The following COX16 variants were observed in gnomAD, a reference collection of about 807,000 sequenced individuals.
COX16 encodes the protein cytochrome c oxidase assembly factor COX16.
A neutral mutation model predicts 15.4 loss-of-function variants in COX16; 12 were observed. The observed-to-expected ratio is 0.78, with a 90% confidence interval of 0.50 to 1.26. The LOEUF is 1.26. COX16 is among the 50% of genes most tolerant of loss of function. COX16 has a pLI of 0.00. For missense variants in COX16, 124 were observed against 127.6 expected (o/e 0.97, Z 0.14); for synonymous variants, 46 against 41.1 (o/e 1.12, Z -0.46).
intron 2 of COX16, among the ~76,000 whole-genome samples, chr14:70,330,178 TAA>T (rs1463782678): frequency 2.0e-5 from 3 of 151,968 alleles, no homozygotes; most frequent in Non-Finnish European, 2.9e-5. Context: ...AAGTCACAAA[TAA>T]AGAGTATTTA....
intron 1 of COX16, among the ~76,000 whole-genome samples, chr14:70,348,866 C>T (rs1410667608): frequency 7.9e-5 from 12 of 152,152 alleles, no homozygotes; most frequent in Admixed American, 7.2e-4. Context: ...CCACCAAACC[C>T]GGGACAATCC....
intron 3 of COX16, chr14:70,328,071 G>GTTTTTTTTTTT (rs1594905215): frequency 1.2e-4 from 7 of 59,062 alleles, no homozygotes; most frequent in African/African-American, 2.1e-4. Flanking sequence ...CTGAGAATAA[G>GTTTTTTTTTTT]ATTTTTTTTT....
At chr14:70,357,516 T>G (rs1887167415) in intron 1 of COX16, among the ~76,000 whole-genome samples, 1 of 152,202 alleles carries the variant, frequency 6.6e-6, no homozygotes, top group African/African-American at 2.4e-5. Flanking sequence ...GGCAGATTTG[T>G]TGGTTTTGGG....
chr14:70,331,541 C>T (rs372618321), intron 2 of COX16, among the ~76,000 whole-genome samples: 1 of 152,248 alleles, frequency 6.6e-6, no homozygotes, highest in African/African-American at 2.4e-5. Context: ...TTAACTTCAT[C>T]GGTCACCATG....
chr14:70,348,097 C>A (rs1169643629), intron 1 of COX16, among the ~76,000 whole-genome samples: 2 of 152,120 alleles, frequency 1.3e-5, no homozygotes, highest in Non-Finnish European at 2.9e-5. Flanking sequence ...AGAGACCCAC[C>A]CTCCAGGTTA....
At chr14:70,356,928 C>T (rs1276646886) in intron 1 of COX16, among the ~76,000 whole-genome samples, 1 of 151,940 alleles carries the variant, frequency 6.6e-6, no homozygotes, top group Non-Finnish European at 1.5e-5. Context: ...ACCCCTCCAC[C>T]CAAGCTCCGT....
intron 2 of COX16, among the ~76,000 whole-genome samples, chr14:70,340,936 A>G (rs187887866): frequency 1.6e-3 from 248 of 152,300 alleles, no homozygotes; most frequent in African/African-American, 5.4e-3. Context: ...TGGCATTGCT[A>G]TATTATATGT....
At chr14:70,353,103 A>C (rs1439956016) in intron 1 of COX16, among the ~76,000 whole-genome samples, 1 of 151,862 alleles carries the variant, frequency 6.6e-6, no homozygotes, top group Non-Finnish European at 1.5e-5. Context: ...TCTCCTAAAA[A>C]TACATAAAGT....
chr14:70,343,679 A>C (rs561301354), intron 1 of COX16, among the ~76,000 whole-genome samples: 20 of 152,374 alleles, frequency 1.3e-4, no homozygotes, highest in African/African-American at 4.6e-4. Context: ...GAAATTCTGA[A>C]ACATCATCTT....
intron 2 of COX16, among the ~76,000 whole-genome samples, chr14:70,334,703 G>A (rs540103556): frequency 7.9e-5 from 12 of 152,086 alleles, no homozygotes; most frequent in African/African-American, 2.2e-4. Context: ...GCAAAAATCC[G>A]TAACAGATAC....
intron 1 of COX16, among the ~76,000 whole-genome samples, chr14:70,357,917 C>T (rs1278534189): frequency 2.0e-5 from 3 of 152,168 alleles, no homozygotes; most frequent in Non-Finnish European, 2.9e-5. Flanking sequence ...GAAATGAAAA[C>T]ATACTTCCAC....
chr14:70,352,784 T>C (rs901034084), intron 1 of COX16, among the ~76,000 whole-genome samples: 6 of 151,934 alleles, frequency 3.9e-5, no homozygotes, highest in Non-Finnish European at 7.4e-5. Flanking sequence ...TACATTTGTT[T>C]TTGTACACAT....
chr14:70,326,375 G>GA lies in COX16; in HGVS notation c.278dup (p.Gln94ProfsTer9). The GA allele has an allele frequency of 1.3e-6, 2 of 1,592,254 alleles. No individual in the cohort carries two copies. The highest frequency in any genetic ancestry group is 1.7e-6 in the Non-Finnish European group (2 of 1,169,068). ...TAAGGCTTTCTGGATTTCTTCCTTGGAGGAGGTCAGGATCTTCCCAAGGCC... is the reference window on the plus strand; with the variant it reads ...TAAGGCTTTCTGGATTTCTTCCTTGGAAGGAGGTCAGGATCTTCCCAAGGCC... On this transcript the variant is annotated frameshift_variant, in exon 4 of 4. Transcript: ENST00000389912. LOFTEE classifies it high-confidence loss of function.
intron 3 of COX16, chr14:70,328,097 T>TTTTTTTTTTTTA (rs1886149105): frequency 8.6e-6 from 1 of 116,036 alleles, no homozygotes; most frequent in Non-Finnish European, 1.9e-5. Flanking sequence ...TTTTTTTTTT[T>TTTTTTTTTTTTA]GAGACGGAGT....
At chr14:70,334,127 C>G (rs1886372582) in intron 2 of COX16, among the ~76,000 whole-genome samples, 2 of 152,178 alleles carry the variant, frequency 1.3e-5, no homozygotes, top group African/African-American at 2.4e-5. Flanking sequence ...GCATGATATA[C>G]TAATACTGCA....
At chr14:70,336,518 AAAAAT>A (rs1036094124) in intron 2 of COX16, among the ~76,000 whole-genome samples, 74 of 152,374 alleles carry the variant, frequency 4.9e-4, no homozygotes, top group African/African-American at 1.7e-3. Context: ...TTAGATAAAT[AAAAAT>A]AAAATAATGA....
intron 1 of COX16, among the ~76,000 whole-genome samples, chr14:70,350,578 A>G (rs1350484838): frequency 1.3e-5 from 2 of 152,218 alleles, no homozygotes; most frequent in Non-Finnish European, 1.5e-5. Context: ...AAGAAAACAT[A>G]TTTACAATAC....
chr14:70,329,721 C>CAAAAAAAAAAAAAAAAAAAA (rs199721497), intron 2 of COX16, among the ~76,000 whole-genome samples: 1 of 117,970 alleles, frequency 8.5e-6, no homozygotes, highest in Non-Finnish European at 1.7e-5. Flanking sequence ...AGATATCTAC[C>CAAAAAAAAAAAAAAAAAAAA]AAAAAAAAAA....
chr14:70,355,304 GTTT>G (rs1412242785), intron 1 of COX16, among the ~76,000 whole-genome samples: 5 of 151,940 alleles, frequency 3.3e-5, no homozygotes, highest in Non-Finnish European at 5.9e-5. Flanking sequence ...CTCATATCTG[GTTT>G]TTCTTTTGCC....
Sources: allele counts gnomAD v4.1 joint callset (sites outside exome capture counted in the v4.1 genomes callset), GRCh38; gene constraint gnomAD v4.1.1; transcripts MANE v1.5; gene names NCBI Gene and HGNC (gene_info 2026-07-23, HGNC 2026-07-21).